CRTAP: variants seen among roughly 807,000 people sequenced by gnomAD.
CRTAP encodes the protein cartilage associated protein.
CRTAP carries 33 observed loss-of-function variants against 42.7 expected under a neutral mutation model. The ratio of observed to expected loss-of-function variants is 0.77; its 90% CI spans 0.59 to 1.03. The LOEUF is 1.03. CRTAP is among the 50% of genes least tolerant of loss of function. The probability of loss-of-function intolerance (pLI) is 0.00; values close to 1 mark genes in which losing one functional copy is unlikely to be tolerated. For missense variants in CRTAP, 613 were observed against 533.9 expected, an observed-to-expected ratio of 1.15 and a Z score of -1.46; for synonymous variants, 243 against 217.7, an observed-to-expected ratio of 1.12 and a Z score of -1.02.
At chr3:33,114,645 C>A in intron 1 of CRTAP, 97 bp downstream of exon 1, 1 of 1,189,524 alleles carries the variant, frequency 8.4e-7, no homozygotes, top group East Asian at 2.6e-5. Context: ...CGTTGCCCCT[C>A]CAGTTCTAGA....
rs1175124645 is a variant in CRTAP at position 33,143,420 on chromosome 3, A to G, written c.*972A>G. 2 of 152,270 alleles carry G rather than the reference A, an allele frequency of 1.3e-5. No homozygotes were observed. Among genetic ancestry groups the G allele is most frequent in the Non-Finnish European group, 2.9e-5 (2 of 68,062 alleles). 9.4% of individuals were successfully genotyped at this position (152,270 alleles called of 1,614,324 possible). A position where few individuals can be genotyped will look rare whatever the true frequency, so the allele number is the denominator to read the frequency against. On this transcript the variant is annotated 3_prime_UTR_variant, in exon 7 of 7. Transcript: ENST00000320954. Reference sequence around the variant, plus strand: ...GGTTGGCCGATCCCATTTGAGGACAATGCTTAGTTATAAGTCTCCGAGTTG... The same window carrying G: ...GGTTGGCCGATCCCATTTGAGGACAGTGCTTAGTTATAAGTCTCCGAGTTG...
intron 2 of CRTAP, among the ~76,000 whole-genome samples, chr3:33,121,270 G>A (rs11711427): frequency 0.58 from 87,866 of 151,934 alleles, 27,848 homozygotes; most frequent in Non-Finnish European, 0.72. Context: ...TTAGCTGGGC[G>A]TGGTGACTCA....
intron 1 of CRTAP, among the ~76,000 whole-genome samples, chr3:33,116,447 C>T (rs1701344591): frequency 6.6e-6 from 1 of 152,212 alleles, no homozygotes; most frequent in South Asian, 2.1e-4. Flanking sequence ...CAACCTCTGC[C>T]TCCAGGGTGC....
In CRTAP at chr3:33,120,481, C is replaced by G. The variant is rs778959807; in HGVS notation, c.609C>G (p.Thr203=). The change falls in exon 2 of 7, where the codon ACC becomes ACG. Residue 203 remains threonine, a synonymous_variant. Coordinates refer to ENST00000320954, the MANE Select transcript of CRTAP (RefSeq NM_006371.5). ...AGGACTACATTAAAGACCTGGAAAC[C>G]AAGTCATATGAAGTATGTTTGGATT... The part of the protein sequence containing the change: ...GAEDYIKDLE[T]KSYESLFIRA... 5.6e-6 allele frequency: 9 copies of G among 1,610,772 alleles called. No individual in the cohort carries two copies. The highest frequency in any genetic ancestry group is 7.6e-6 in the Non-Finnish European group (9 of 1,177,864).
In CRTAP at chr3:33,144,561, A is replaced by G. The variant is rs774529962; in HGVS notation, c.*2113A>G. On this transcript the variant is annotated 3_prime_UTR_variant, in exon 7 of 7. Transcript: ENST00000320954. ...ACTTCAGTTGAGGGCAAGTCTCTGG[A>G]AAAGAGGCTGTAGGCATCTGGCAGC... is the stretch of plus-strand genomic sequence containing the variant. The G allele has an allele frequency of 1.3e-5, 2 of 152,294 alleles. No homozygotes were observed. Among genetic ancestry groups the G allele is most frequent in the Non-Finnish European group, 2.9e-5 (2 of 68,144 alleles). 9.4% of individuals were successfully genotyped at this position (152,294 alleles called of 1,614,324 possible).
chr3:33,127,667 C>T (rs1475600521), intron 3 of CRTAP, among the ~76,000 whole-genome samples: 3 of 151,970 alleles, frequency 2.0e-5, no homozygotes, highest in Non-Finnish European at 2.9e-5. Flanking sequence ...AGGCTGGTCT[C>T]GAACTCCTGA....
chr3:33,144,703 G>A lies in CRTAP; in HGVS notation c.*2255G>A, dbSNP rs893734558. On this transcript the variant is annotated 3_prime_UTR_variant, in exon 7 of 7. Coordinates refer to ENST00000320954, the MANE Select transcript of CRTAP (RefSeq NM_006371.5). ...CATCAGCATGTCAGTGGCATTTAAA[G>A]CCATGCAGCTGGAGGGGCCACTGAG... 6.6e-6 allele frequency: 1 copy of A among 152,230 alleles called. No individual in the cohort carries two copies. Among genetic ancestry groups the A allele is most frequent in the Non-Finnish European group, 1.5e-5 (1 of 68,066 alleles). The allele number at this position is 152,230 out of a possible 1,614,324, so 9.4% of individuals were successfully genotyped here. A position where few individuals can be genotyped will look rare whatever the true frequency, so the allele number is the denominator to read the frequency against.
At chr3:33,131,597 A>G (rs1414064942) in intron 4 of CRTAP, among the ~76,000 whole-genome samples, 3 of 152,120 alleles carry the variant, frequency 2.0e-5, no homozygotes, top group Non-Finnish European at 4.4e-5. Context: ...TTCCCAGGAA[A>G]TCTGCTTTCG....
At chr3:33,133,357 C>G (rs1172519075) in intron 5 of CRTAP, among the ~76,000 whole-genome samples, 2 of 151,092 alleles carry the variant, frequency 1.3e-5, no homozygotes, top group African/African-American at 2.4e-5. Context: ...CTCCTGGGTT[C>G]AAGCGATTCT....
chr3:33,114,132 TGCGCGCTGCGCGCCGGGC>T lies in CRTAP; in HGVS notation c.60_77del (p.Leu21_Ala26del). On this transcript the variant is annotated inframe_deletion, in exon 1 of 7. Transcript: ENST00000320954. The stretch of plus-strand genomic sequence containing the variant: ...GCTGCTAGCGCTGCTGTGCGTGGCC[TGCGCGCTGCGCGCCGGGC>T]GCGCCCAATACGAACGCTACAGCTT... The T allele has an allele frequency of 6.4e-7, 1 of 1,566,604 alleles. No individual in the cohort carries two copies. Among genetic ancestry groups the T allele is most frequent in the Non-Finnish European group, 8.6e-7 (1 of 1,166,388 alleles).
rs1290705540 is a variant in CRTAP at position 33,146,251 on chromosome 3, C to G, written c.*3803C>G. Reference sequence around the variant, plus strand: ...CTTTGTGGGAGCTTCCAGGCCTGCTCTAAGATGCCTTGCTTGTCCTTTGAC... The same window carrying G: ...CTTTGTGGGAGCTTCCAGGCCTGCTGTAAGATGCCTTGCTTGTCCTTTGAC... On this transcript the variant is annotated 3_prime_UTR_variant, in exon 7 of 7. Coordinates refer to ENST00000320954, the MANE Select transcript of CRTAP (RefSeq NM_006371.5). 6.6e-6 allele frequency: 1 copy of G among 152,242 alleles called. No individual in the cohort carries two copies. The highest frequency in any genetic ancestry group is 1.5e-5 in the Non-Finnish European group (1 of 68,058). The allele number at this position is 152,242 out of a possible 1,614,324, so 9.4% of individuals were successfully genotyped here.
intron 4 of CRTAP, among the ~76,000 whole-genome samples, chr3:33,131,429 G>A (rs951341866): frequency 6.6e-6 from 1 of 152,152 alleles, no homozygotes; most frequent in Non-Finnish European, 1.5e-5. Context: ...TATAAAGCTA[G>A]AACACTAGGA....
intron 6 of CRTAP, among the ~76,000 whole-genome samples, chr3:33,141,485 T>C (rs2030570659): frequency 6.6e-6 from 1 of 152,234 alleles, no homozygotes; most frequent in African/African-American, 2.4e-5. Context: ...GTTTTCCAGT[T>C]ATTCCCAAAT....
At chr3:33,135,443 A>G (rs1329398178) in intron 6 of CRTAP, among the ~76,000 whole-genome samples, 1 of 152,194 alleles carries the variant, frequency 6.6e-6, no homozygotes, top group East Asian at 1.9e-4. Context: ...CCTGGGCAAC[A>G]TGGTAAAACC....
chr3:33,130,724 T>C (rs1167382405), intron 4 of CRTAP, among the ~76,000 whole-genome samples: 1 of 151,818 alleles, frequency 6.6e-6, no homozygotes, highest in East Asian at 1.9e-4. Flanking sequence ...AGTAGATATG[T>C]GGTTTCACTA....
In CRTAP at chr3:33,133,086, T is replaced by C. The variant is rs545346099; in HGVS notation, c.1068+386T>C. The stretch of plus-strand genomic sequence containing the variant: ...TCATTTTTTTCTGTAGTTTTGTGCA[T>C]GTGTGTGTTTTAACATTTTACTGCT... On this transcript the variant is annotated intron_variant, in intron 5 of 6. Coordinates refer to ENST00000320954, the MANE Select transcript of CRTAP (RefSeq NM_006371.5). Among the ~76,000 whole-genome samples, 176 of 152,280 alleles carry C rather than the reference T, an allele frequency of 1.2e-3. 1 individual carries two copies. The highest frequency in any genetic ancestry group is 6.8e-3 in the Middle Eastern group (2 of 292).
rs565351692 is a variant in CRTAP, at chr3:33,141,191, C to T, written c.1153-1204C>T. Among the ~76,000 whole-genome samples, 7 of 152,250 alleles carry T rather than the reference C, an allele frequency of 4.6e-5. No individual in the cohort carries two copies. The East Asian group carries it at 1.4e-3, about 29-fold the overall frequency. ...GATGCATTTCTTTCGTCTGTGCTGC[C>T]TCGGGCACTTATTACTAGTGAGCTA... On this transcript the variant is annotated intron_variant, in intron 6 of 6. Coordinates refer to ENST00000320954, the MANE Select transcript of CRTAP (RefSeq NM_006371.5).
chr3:33,114,373 G>C lies in CRTAP; in HGVS notation c.296G>C (p.Gly99Ala). The part of the protein sequence containing the change: ...SAAPQPEPAA[G>A]LASYPELRLF... ...GCGCCGCAGCCCGAGCCCGCCGCCG[G>C]CCTCGCCAGCTATCCCGAGCTGCGC... is the stretch of plus-strand genomic sequence containing the variant. The change falls in exon 1 of 7, where the codon GGC becomes GCC. Residue 99 changes from glycine to alanine, a missense_variant. Coordinates refer to ENST00000320954, the MANE Select transcript of CRTAP (RefSeq NM_006371.5). 1 of 1,524,976 alleles carries C rather than the reference G, an allele frequency of 6.6e-7. No individual in the cohort carries two copies. Among genetic ancestry groups the C allele is most frequent in the Non-Finnish European group, 8.8e-7 (1 of 1,142,240 alleles). 94.5% of individuals were successfully genotyped at this position (1,524,976 alleles called of 1,614,324 possible).
intron 1 of CRTAP, among the ~76,000 whole-genome samples, chr3:33,115,550 G>A (rs1701332986): frequency 1.3e-5 from 2 of 151,936 alleles, no homozygotes; most frequent in African/African-American, 2.4e-5. Flanking sequence ...AGATAAAGAG[G>A]CTCTAGCTTG....
Sources: allele counts gnomAD v4.1 joint callset (sites outside exome capture counted in the v4.1 genomes callset), GRCh38; gene constraint gnomAD v4.1.1; transcripts MANE v1.5; gene names NCBI Gene and HGNC (gene_info 2026-07-23, HGNC 2026-07-21).